HCK: variants seen among roughly 807,000 people sequenced by gnomAD.
HCK encodes HCK proto-oncogene, Src family tyrosine kinase.
HCK carries 40 observed loss-of-function variants against 70.4 expected under a neutral mutation model. That is an observed-to-expected ratio of 0.57 (90% confidence interval 0.44 to 0.74). The LOEUF is 0.74. Among genes scored for constraint, HCK ranks in the 30% least tolerant of loss-of-function variants. The pLI is 0.00. For missense variants in HCK, 568 were observed against 697.2 expected (o/e 0.81, Z 2.09); for synonymous variants, 245 against 263.2 (o/e 0.93, Z 0.67).
intron 9 of HCK, among the ~76,000 whole-genome samples, chr20:32,087,858 G>T (rs187147856): frequency 6.6e-6 from 1 of 152,074 alleles, no homozygotes; most frequent in African/African-American, 2.4e-5. Flanking sequence ...TAGCCAGGAT[G>T]GTCTCAATCT....
chr20:32,056,439 C>G (rs2045273127), intron 1 of HCK, among the ~76,000 whole-genome samples: 1 of 152,008 alleles, frequency 6.6e-6, no homozygotes, highest in Non-Finnish European at 1.5e-5. Flanking sequence ...TGGCATGAAC[C>G]CGGGAGGCGG....
At chr20:32,063,158 T>C (rs1402903687) in intron 1 of HCK, among the ~76,000 whole-genome samples, 1 of 152,234 alleles carries the variant, frequency 6.6e-6, no homozygotes, top group East Asian at 1.9e-4. Context: ...AACTTCATAA[T>C]TCTGGTCTGT....
intron 1 of HCK, among the ~76,000 whole-genome samples, chr20:32,059,275 T>G (rs2045324988): frequency 1.8e-5 from 1 of 55,564 alleles, no homozygotes. Context: ...CTGTAATGTT[T>G]TAATCTTCCT....
chr20:32,054,069 G>A (rs752916957), intron 1 of HCK: 48 of 366,566 alleles, frequency 1.3e-4, no homozygotes, highest in Non-Finnish European at 2.3e-4. Context: ...TAGATGTCCC[G>A]AGAATCCACC....
At chr20:32,094,479 A>G (rs2122617746) in intron 11 of HCK, among the ~76,000 whole-genome samples, 1 of 152,158 alleles carries the variant, frequency 6.6e-6, no homozygotes, top group East Asian at 1.9e-4. Context: ...CAGAAGCTCA[A>G]GACCAGCCTG....
rs781676406 is a variant in HCK at position 32,074,721 on chromosome 20, A to C, written c.428A>C (p.Glu143Ala). Residue 143 changes from glutamate (E) to alanine (A), a missense_variant and splice_region_variant, in exon 5 of 13, where the codon GAG (glutamate) becomes GCG (alanine). Glu to Ala is a moderately radical substitution (Grantham distance 107). Around this residue, in one of 4 missense-constraint regions of HCK, gnomAD observed 318 missense variants for 336.0 expected, o/e 0.95. Coordinates refer to ENST00000375852, the MANE Select transcript of HCK (RefSeq NM_002110.5). The stretch of plus-strand genomic sequence containing the variant: ...CGCGTTGACTCTCTGGAGACAGAGG[A>C]GTAAGTATCCTATTTCCTACCTTCC... 6.2e-7 allele frequency: 1 copy of C among 1,607,612 alleles called. No homozygotes were observed. Among genetic ancestry groups the C allele is most frequent in the Non-Finnish European group, 8.5e-7 (1 of 1,174,100 alleles).
intron 5 of HCK, among the ~76,000 whole-genome samples, chr20:32,077,925 T>C (rs1358746721): frequency 6.6e-6 from 1 of 152,348 alleles, no homozygotes; most frequent in East Asian, 1.9e-4. Context: ...TTTCCAGTCA[T>C]GTACTGAAGC....
intron 5 of HCK, among the ~76,000 whole-genome samples, chr20:32,074,986 TCTTTGGTTGGTTA>T (rs2045601366): frequency 6.6e-6 from 1 of 151,708 alleles, no homozygotes; most frequent in African/African-American, 2.4e-5. Context: ...CGACCTGGTT[TCTTTGGTTGGTTA>T]CACGTGCATT....
intron 1 of HCK, among the ~76,000 whole-genome samples, chr20:32,065,017 A>G (rs2045436133): frequency 6.6e-6 from 1 of 152,270 alleles, no homozygotes; most frequent in African/African-American, 2.4e-5. Flanking sequence ...AGTTTTATAC[A>G]GTCCTTCACA....
chr20:32,088,599 G>C lies in HCK; in HGVS notation c.1047G>C (p.Glu349Asp). Reference sequence around the variant, plus strand: ...TGCTGGACTTTCTGAAAAGTGATGAGGGCAGCAAGCAGCCATTGCCAAAAC... The same window carrying C: ...TGCTGGACTTTCTGAAAAGTGATGACGGCAGCAAGCAGCCATTGCCAAAAC... The change falls in exon 10 of 13, where the codon GAG becomes GAC. Residue 349 changes from glutamate (E) to aspartate (D), a missense_variant. Glu to Asp is a conservative substitution (Grantham distance 45). This residue lies in a region of HCK where 160 missense variants were observed against 237.5 expected (regional missense o/e 0.67). Coordinates refer to ENST00000375852, the MANE Select transcript of HCK (RefSeq NM_002110.5). 1 of 1,613,938 alleles carries C rather than the reference G, an allele frequency of 6.2e-7. No individual in the cohort carries two copies. Among genetic ancestry groups the C allele is most frequent in the Non-Finnish European group, 8.5e-7 (1 of 1,179,938 alleles).
intron 1 of HCK, among the ~76,000 whole-genome samples, chr20:32,055,031 C>T (rs2045248785): frequency 6.6e-6 from 1 of 152,186 alleles, no homozygotes; most frequent in Non-Finnish European, 1.5e-5. Context: ...GATAAATACT[C>T]AAGTTGTTCC....
At chr20:32,063,627 C>T (rs1401675485) in intron 1 of HCK, among the ~76,000 whole-genome samples, 2 of 152,122 alleles carry the variant, frequency 1.3e-5, no homozygotes, top group Non-Finnish European at 2.9e-5. Context: ...TCCTCACCTA[C>T]TCTAATAGGT....
intron 11 of HCK, among the ~76,000 whole-genome samples, chr20:32,097,832 T>C (rs2045977612): frequency 6.6e-6 from 1 of 152,028 alleles, no homozygotes. Context: ...ACATATATTC[T>C]ATAGACCATG....
chr20:32,062,067 G>A (rs764944547), intron 1 of HCK, among the ~76,000 whole-genome samples: 1 of 150,242 alleles, frequency 6.7e-6, no homozygotes, highest in Non-Finnish European at 1.5e-5. Flanking sequence ...AGCCTCCTAA[G>A]TAGCTGGGAT....
rs2045960748 is a variant in HCK, at chr20:32,096,660, C to T, written c.1247-2344C>T. On this transcript the variant is annotated intron_variant, in intron 11 of 12. Coordinates refer to ENST00000375852, the MANE Select transcript of HCK (RefSeq NM_002110.5). ...GAAACTACAGATACGTGCTACCATG[C>T]CCAGCTAATTTTTTAATTATTTGTA... Among the ~76,000 whole-genome samples the T allele has an allele frequency of 1.3e-5, 2 of 152,054 alleles. 1 individual carries two copies. The highest frequency in any genetic ancestry group is 4.1e-4 in the South Asian group (2 of 4,830).
At chr20:32,094,845 G>GA (rs1227443325) in intron 11 of HCK, among the ~76,000 whole-genome samples, 3 of 134,580 alleles carry the variant, frequency 2.2e-5, no homozygotes, top group African/African-American at 8.1e-5. Flanking sequence ...AAGAAAGAAA[G>GA]AAAGAAAAGA....
chr20:32,063,950 GCT>G (rs903491392), intron 1 of HCK, among the ~76,000 whole-genome samples: 6 of 149,462 alleles, frequency 4.0e-5, no homozygotes, highest in African/African-American at 1.5e-4. Flanking sequence ...CCAAGGGCTG[GCT>G]CTCGTTGGCC....
chr20:32,053,351 G>A (rs561942274), intron 1 of HCK, among the ~76,000 whole-genome samples: 2 of 152,122 alleles, frequency 1.3e-5, no homozygotes, highest in African/African-American at 2.4e-5. Flanking sequence ...ATTGGGTACT[G>A]AAGGGGCCGG....
At chr20:32,073,687 C>A in intron 3 of HCK, 29 bp from the exon 4 acceptor site, 3 of 1,492,328 alleles carry the variant, frequency 2.0e-6, no homozygotes, top group Non-Finnish European at 2.7e-6. Context: ...TTAGACGAAA[C>A]CTCACCCTCT....
Sources: allele counts gnomAD v4.1 joint callset (sites outside exome capture counted in the v4.1 genomes callset), GRCh38; gene constraint gnomAD v4.1.1; regional missense constraint gnomAD v4.1.1; transcripts MANE v1.5; gene names NCBI Gene and HGNC (gene_info 2026-07-23, HGNC 2026-07-21).